DTL: variants seen among roughly 807,000 people sequenced by gnomAD.
The protein encoded by DTL is denticleless E3 ubiquitin protein ligase adapter.
A neutral mutation model predicts 87.0 loss-of-function variants in DTL; 46 were observed. That is an observed-to-expected ratio of 0.53 (90% confidence interval 0.42 to 0.68). The LOEUF (loss-of-function observed/expected upper bound fraction) is 0.68, where lower values mean the gene tolerates loss of function less well. Among genes scored for constraint, DTL ranks in the 30% least tolerant of loss-of-function variants. DTL has a pLI of 0.00. For missense variants in DTL, 737 were observed against 869.4 expected (o/e 0.85, Z 1.91); for synonymous variants, 308 against 311.2 (o/e 0.99, Z 0.11).
At position 212,035,822 on chromosome 1, in the gene DTL, G is replaced by T; in HGVS notation, c.-69G>T. 2 of 1,500,248 alleles carry T rather than the reference G, an allele frequency of 1.3e-6. No homozygotes were observed. The highest frequency in any genetic ancestry group is 1.7e-5 in the Admixed American group (1 of 59,368). 92.9% of individuals were successfully genotyped at this position (1,500,248 alleles called of 1,614,324 possible). A position where few individuals can be genotyped will look rare whatever the true frequency, so the allele number is the denominator to read the frequency against. ...ATTTGTGTTGTGAGAGGCGCAAGCT[G>T]CGATTTCTGCTGAACTTGGAGGCAT... is the stretch of plus-strand genomic sequence containing the variant. On this transcript the variant is annotated 5_prime_UTR_variant, in exon 1 of 15. Transcript: ENST00000366991.
chr1:212,094,152 G>T (rs1655373417), intron 13 of DTL, among the ~76,000 whole-genome samples: 1 of 152,064 alleles, frequency 6.6e-6, no homozygotes, highest in South Asian at 2.1e-4. Context: ...TTGCTTTTGG[G>T]TTCTTTGTCA....
chr1:212,101,624 G>C (rs1381598220), intron 14 of DTL, among the ~76,000 whole-genome samples: 1 of 152,160 alleles, frequency 6.6e-6, no homozygotes, highest in Non-Finnish European at 1.5e-5. Context: ...AATCTTTCTA[G>C]ATTTTTATGA....
intron 13 of DTL, among the ~76,000 whole-genome samples, chr1:212,099,924 G>A (rs545573115): frequency 6.6e-6 from 1 of 152,278 alleles, no homozygotes; most frequent in South Asian, 2.1e-4. Flanking sequence ...AAAAAGTTGA[G>A]ATGTATAGTA....
At chr1:212,063,301 T>A (rs1359528487) in intron 6 of DTL, among the ~76,000 whole-genome samples, 2 of 150,490 alleles carry the variant, frequency 1.3e-5, no homozygotes, top group African/African-American at 2.4e-5. Flanking sequence ...TTATTATTTT[T>A]TTTTTTTTTG....
At chr1:212,038,096 T>C (rs534597751) in intron 1 of DTL, among the ~76,000 whole-genome samples, 1 of 152,314 alleles carries the variant, frequency 6.6e-6, no homozygotes, top group Middle Eastern at 3.4e-3. Flanking sequence ...CATTGTCTAC[T>C]GGGACCATGT....
chr1:212,094,740 T>A, intron 13 of DTL, among the ~76,000 whole-genome samples: 1 of 152,276 alleles, frequency 6.6e-6, no homozygotes, highest in East Asian at 1.9e-4. Context: ...TGAGCGTAGG[T>A]TGTGTTTTTC....
At chr1:212,058,917 T>C (rs1668256755) in intron 5 of DTL, among the ~76,000 whole-genome samples, 1 of 152,010 alleles carries the variant, frequency 6.6e-6, no homozygotes. Context: ...AACTATACAC[T>C]AACTAGAAAA....
intron 7 of DTL, among the ~76,000 whole-genome samples, chr1:212,066,085 C>G (rs980824545): frequency 1.3e-5 from 2 of 152,138 alleles, no homozygotes; most frequent in African/African-American, 4.8e-5. Flanking sequence ...ACAGTCAGAG[C>G]TCAAACAATG....
rs958429363 is a variant in DTL at position 212,051,442 on chromosome 1, CTTTTTTTTTTTTTTTTTTTTTT to C, written c.460+4048_460+4069del. The C allele has an allele frequency of 4.8e-3, 952 of 196,902 alleles. 8 individuals are homozygous for C. Among genetic ancestry groups the C allele is most frequent in the African/African-American group, 0.029 (437 of 15,000 alleles). The allele number at this position is 196,902 out of a possible 1,614,324, so 12.2% of individuals were successfully genotyped here. ...GGACATTTTTGTTGGATATGAAATT[CTTTTTTTTTTTTTTTTTTTTTT>C]TTTTTTTTTTTTTTTTTTTTTTAGC... On this transcript the variant is annotated intron_variant, in intron 5 of 14. Coordinates refer to ENST00000366991, the MANE Select transcript of DTL (RefSeq NM_016448.4).
At chr1:212,072,924 C>T (rs1035744333) in intron 11 of DTL, among the ~76,000 whole-genome samples, 2 of 152,044 alleles carry the variant, frequency 1.3e-5, no homozygotes, top group African/African-American at 4.8e-5. Context: ...CCACCACGCC[C>T]GGCTAATTTC....
At chr1:212,080,498 C>G (rs183626456) in intron 12 of DTL, 117 bp from the exon 13 acceptor site, 1 of 896,170 alleles carries the variant, frequency 1.1e-6, no homozygotes, top group African/African-American at 1.7e-5. Context: ...TTTTCTATAT[C>G]CTGTTTATTA....
At chr1:212,096,184 C>A (rs1655446326) in intron 13 of DTL, among the ~76,000 whole-genome samples, 1 of 152,080 alleles carries the variant, frequency 6.6e-6, no homozygotes, top group Admixed American at 6.5e-5. Flanking sequence ...CTTGAATGAT[C>A]TTTTGTATTT....
At chr1:212,072,654 AATTT>A (rs1306190627) in intron 11 of DTL, among the ~76,000 whole-genome samples, 16 of 152,094 alleles carry the variant, frequency 1.1e-4, no homozygotes, top group African/African-American at 3.6e-4. Context: ...TTTTATGATT[AATTT>A]ATTCTTTATT....
At chr1:212,089,768 C>G (rs1655230950) in intron 13 of DTL, among the ~76,000 whole-genome samples, 2 of 152,230 alleles carry the variant, frequency 1.3e-5, no homozygotes, top group South Asian at 4.1e-4. Context: ...TCCAACACAT[C>G]AATTTCATAC....
chr1:212,060,490 C>T (rs201692403), intron 5 of DTL, among the ~76,000 whole-genome samples: 3 of 152,064 alleles, frequency 2.0e-5, no homozygotes, highest in East Asian at 3.8e-4. Context: ...AATCCTAGCA[C>T]TTTGGGAGGC....
Position 212,100,550 on chromosome 1 carries a change from G to A in DTL, c.1560G>A (p.Ser520=), listed in dbSNP as rs142342808. 1.8e-4 allele frequency: 283 copies of A among 1,613,848 alleles called. No individual in the cohort carries two copies. The highest frequency in any genetic ancestry group is 2.2e-4 in the Non-Finnish European group (264 of 1,179,966). The change falls in exon 14 of 15, where the codon TCG becomes TCA. Residue 520 remains serine (S), a synonymous_variant. Coordinates refer to ENST00000366991, the MANE Select transcript of DTL (RefSeq NM_016448.4). ...CACCACCCATCACTCCACCTGCTTCGGAGACCAAGATCATGTCTCCGAGAA... is the reference window on the plus strand; with the variant it reads ...CACCACCCATCACTCCACCTGCTTCAGAGACCAAGATCATGTCTCCGAGAA... The part of the protein sequence containing the change: ...SSSPPITPPA[S]ETKIMSPRKA...
intron 2 of DTL, among the ~76,000 whole-genome samples, chr1:212,043,695 T>C (rs1667723063): frequency 6.6e-6 from 1 of 151,984 alleles, no homozygotes; most frequent in African/African-American, 2.4e-5. Context: ...CTGGGCGTGG[T>C]GGCGCACCCC....
intron 1 of DTL, among the ~76,000 whole-genome samples, chr1:212,038,118 T>G (rs550607688): frequency 6.6e-6 from 1 of 152,202 alleles, no homozygotes; most frequent in East Asian, 1.9e-4. Context: ...GACACACCAG[T>G]GAACCTAACA....
At chr1:212,041,106 G>A (rs1406451491) in intron 1 of DTL, among the ~76,000 whole-genome samples, 6 of 152,168 alleles carry the variant, frequency 3.9e-5, no homozygotes, top group Non-Finnish European at 5.9e-5. Flanking sequence ...GTGTTGTGGA[G>A]GAAAGCATTA....
Sources: allele counts gnomAD v4.1 joint callset (sites outside exome capture counted in the v4.1 genomes callset), GRCh38; gene constraint gnomAD v4.1.1; transcripts MANE v1.5; gene names NCBI Gene and HGNC (gene_info 2026-07-23, HGNC 2026-07-21).